TP63: variants seen among roughly 807,000 people sequenced by gnomAD.
TP63 encodes the protein tumor protein p63, also known as tumor protein 63.
A neutral mutation model predicts 82.8 loss-of-function variants in TP63; 17 were observed. The ratio of observed to expected loss-of-function variants is 0.21; its 90% CI spans 0.14 to 0.31. The LOEUF is 0.31. TP63 is among the 10% of genes least tolerant of loss of function. The pLI is 1.00. For synonymous variants in TP63, 330 were observed against 321.7 expected (o/e 1.03, Z -0.28); for missense variants, 648 against 895.3 (o/e 0.72, Z 3.52).
intron 4 of TP63, among the ~76,000 whole-genome samples, chr3:189,847,626 A>T (rs2108757028): frequency 6.6e-6 from 1 of 152,366 alleles, no homozygotes; most frequent in South Asian, 2.1e-4. Flanking sequence ...TAATGCAAAG[A>T]GCCACAGTTG....
chr3:189,768,222 A>G (rs1723090398), intron 3 of TP63, among the ~76,000 whole-genome samples: 1 of 152,168 alleles, frequency 6.6e-6, no homozygotes, highest in South Asian at 2.1e-4. Flanking sequence ...TAGTAAATAT[A>G]AAGAGCTTAC....
At chr3:189,884,946 A>C (rs78808930) in intron 10 of TP63, among the ~76,000 whole-genome samples, 5,153 of 152,296 alleles carry the variant, frequency 0.034, 285 homozygotes, top group African/African-American at 0.12. Context: ...GCAGCACCTA[A>C]GTGCTAGGGC....
chr3:189,645,327 T>G, intron 1 of TP63: 1 of 519,660 alleles, frequency 1.9e-6, no homozygotes, highest in Non-Finnish European at 3.7e-6. Context: ...TTTTCCACTT[T>G]CAGATCTTTC....
At chr3:189,613,315 C>A in the TP63 span, among the ~76,000 whole-genome samples, 1 of 151,692 alleles carries the variant, frequency 6.6e-6, no homozygotes, top group Non-Finnish European at 1.5e-5. Flanking sequence ...CCAACACACA[C>A]CTTGGGCTGT....
chr3:189,666,981 CT>C (rs1356519365), intron 1 of TP63, among the ~76,000 whole-genome samples: 1 of 146,002 alleles, frequency 6.8e-6, no homozygotes, highest in African/African-American at 2.5e-5. Flanking sequence ...TATAAGAAAA[CT>C]TTTCAGGCCT....
the TP63 span, among the ~76,000 whole-genome samples, chr3:189,618,681 C>A: frequency 6.6e-6 from 1 of 152,162 alleles, no homozygotes; most frequent in African/African-American, 2.4e-5. Context: ...CTTAGTGATC[C>A]TGTTACCCTT....
chr3:189,744,781 C>T (rs1721245591), intron 3 of TP63, among the ~76,000 whole-genome samples: 1 of 152,212 alleles, frequency 6.6e-6, no homozygotes, highest in African/African-American at 2.4e-5. Context: ...ATTCCAACCA[C>T]CTGAGCAAGC....
chr3:189,679,061 G>A (rs543282906), intron 1 of TP63, among the ~76,000 whole-genome samples: 5 of 152,036 alleles, frequency 3.3e-5, no homozygotes, highest in African/African-American at 7.2e-5. Flanking sequence ...GGTTGATTCC[G>A]TATCTGAGCT....
At chr3:189,596,969 C>T in the TP63 span, among the ~76,000 whole-genome samples, 2 of 152,100 alleles carry the variant, frequency 1.3e-5, no homozygotes, top group East Asian at 1.9e-4. Context: ...ACACTCACTG[C>T]GAAGGTCTGC....
intron 10 of TP63, among the ~76,000 whole-genome samples, chr3:189,875,953 T>A (rs1405381302): frequency 6.6e-6 from 1 of 151,970 alleles, no homozygotes; most frequent in East Asian, 1.9e-4. Flanking sequence ...GCTGGAATAG[T>A]TGACTTGATT....
chr3:189,833,764 C>A (rs546470302), intron 4 of TP63, among the ~76,000 whole-genome samples: 1 of 151,486 alleles, frequency 6.6e-6, no homozygotes, highest in Non-Finnish European at 1.5e-5. Context: ...ATTAAGACAG[C>A]GGTATCTATT....
In TP63 at chr3:189,878,409, G is replaced by C. The variant is rs1161046935; in HGVS notation, c.1349+5414G>C. Among the ~76,000 whole-genome samples, 24 of 105,606 alleles carry C rather than the reference G, an allele frequency of 2.3e-4. No individual in the cohort carries two copies. In the East Asian group the frequency reaches 6.9e-3, roughly 30 times the overall value. 69.3% of individuals were successfully genotyped at this position (105,606 alleles called of 152,430 possible). On this transcript the variant is annotated intron_variant, in intron 10 of 13. Coordinates refer to ENST00000264731, the MANE Select transcript of TP63 (RefSeq NM_003722.5). ...CCTTTTTTTTTTTTTTTTTTTTTGA[G>C]ACAGAGTCTTGCTCTGTCACCCAGG...
intron 1 of TP63, among the ~76,000 whole-genome samples, chr3:189,654,860 T>C (rs1380132948): frequency 6.6e-6 from 1 of 152,166 alleles, no homozygotes; most frequent in African/African-American, 2.4e-5. Context: ...CTCAATGTAA[T>C]GTCTTGTTCA....
Position 189,867,958 on chromosome 3 carries a change from A to T in TP63, c.992+16A>T. The stretch of plus-strand genomic sequence containing the variant: ...AAACCAGAGAGTAAGTGGCGTATGT[A>T]AAATTGTCATTCTACACAAAAAATC... On this transcript the variant is annotated intron_variant, in intron 7 of 13. Transcript: ENST00000264731. The T allele has an allele frequency of 1.2e-6, 2 of 1,605,374 alleles. No homozygotes were observed. The highest frequency in any genetic ancestry group is 1.7e-6 in the Non-Finnish European group (2 of 1,172,938).
intron 1 of TP63, among the ~76,000 whole-genome samples, chr3:189,688,758 A>G (rs1716651745): frequency 6.6e-6 from 1 of 152,128 alleles, no homozygotes. Context: ...GTTTATGTAA[A>G]TGGTTGCTGA....
intron 3 of TP63, among the ~76,000 whole-genome samples, chr3:189,795,650 G>A (rs898096519): frequency 1.3e-5 from 2 of 151,974 alleles, no homozygotes; most frequent in Non-Finnish European, 2.9e-5. Flanking sequence ...ACACTGATAT[G>A]TATTTACTAT....
intron 1 of TP63, among the ~76,000 whole-genome samples, chr3:189,656,977 A>G (rs1393277292): frequency 6.6e-6 from 1 of 151,338 alleles, no homozygotes; most frequent in Non-Finnish European, 1.5e-5. Context: ...TCATACAATG[A>G]AATATTACTC....
chr3:189,815,053 A>C (rs62279946), intron 4 of TP63, among the ~76,000 whole-genome samples: 2 of 151,682 alleles, frequency 1.3e-5, no homozygotes, highest in Admixed American at 6.6e-5. Flanking sequence ...CTTTCTCCCT[A>C]TTCTTCTCCT....
chr3:189,821,605 A>C (rs181341363), intron 4 of TP63, among the ~76,000 whole-genome samples: 4 of 152,338 alleles, frequency 2.6e-5, no homozygotes, highest in Admixed American at 2.0e-4. Context: ...CGCTTAAAGC[A>C]TTCCCAACTA....
Sources: allele counts gnomAD v4.1 joint callset (sites outside exome capture counted in the v4.1 genomes callset), GRCh38; gene constraint gnomAD v4.1.1; transcripts MANE v1.5; gene names NCBI Gene and HGNC (gene_info 2026-07-23, HGNC 2026-07-21).